RSPH4A: variants seen among roughly 807,000 people sequenced by gnomAD.
The protein encoded by RSPH4A is radial spoke head protein 4 homolog A.
A neutral mutation model predicts 71.0 loss-of-function variants in RSPH4A; 47 were observed. The observed-to-expected ratio is 0.66, with a 90% CI of 0.52 to 0.84. RSPH4A has a LOEUF of 0.84. RSPH4A is among the 40% of genes least tolerant of loss of function. The pLI is 0.00. For synonymous variants in RSPH4A, 282 were observed against 302.3 expected (o/e 0.93, Z 0.70); for missense variants, 793 against 855.2 (o/e 0.93, Z 0.91).
At chr6:116,629,827 T>G in intron 4 of RSPH4A, 125 bp downstream of exon 4, 1 of 835,892 alleles carries the variant, frequency 1.2e-6, no homozygotes, top group Non-Finnish European at 2.0e-6. Flanking sequence ...TCTCATCCTC[T>G]TCCCATTCAT....
chr6:116,616,636 A>G lies in RSPH4A; in HGVS notation c.13A>G (p.Thr5Ala). The stretch of plus-strand genomic sequence containing the variant: ...TTGAACTGCTTCCATGGAGGACTCA[A>G]CCTCCCCGAAGCAAGAAAAAGAAAA... Reference protein sequence around the residue: MEDSTSPKQEKENQE... With the variant: MEDSASPKQEKENQE... The change falls in exon 1 of 6, where the codon ACC becomes GCC. Residue 5 changes from threonine to alanine, a missense_variant. Physicochemically the swap from Thr to Ala is moderately conservative, Grantham distance 58. Transcript: ENST00000229554. 2 of 1,612,922 alleles carry G rather than the reference A, an allele frequency of 1.2e-6. No individual in the cohort carries two copies. The highest frequency in any genetic ancestry group is 1.7e-6 in the Non-Finnish European group (2 of 1,179,442).
chr6:116,623,044 T>C (rs1205205751), intron 2 of RSPH4A, 42 bp downstream of exon 2: 1 of 1,201,230 alleles, frequency 8.3e-7, no homozygotes, highest in Admixed American at 1.7e-5. Context: ...CCTTAGGATT[T>C]TATTTGGGAC....
intron 5 of RSPH4A, 115 bp downstream of exon 5, chr6:116,630,667 GTTTTTTTTTTTTTT>G: frequency 4.0e-6 from 1 of 250,954 alleles, no homozygotes; most frequent in South Asian, 2.6e-5. Flanking sequence ...TTTTTTTCGT[GTTTTTTTTTTTTTT>G]TTTTTTTTTG....
chr6:116,630,454 C>G lies in RSPH4A; in HGVS notation c.1818C>G (p.Pro606=). Residue 606 remains proline, a synonymous_variant, in exon 5 of 6, where the codon CCC becomes CCG. Coordinates refer to ENST00000229554, the MANE Select transcript of RSPH4A (RefSeq NM_001010892.3). The part of the protein sequence containing the change: ...SEDLEIQNIP[P]WTTRLSSNLI... ...TTCCAGAGATTCAGAATATACCCCCCTGGACAACACGGTTATCCTCAAATC... is the reference window on the plus strand; with the variant it reads ...TTCCAGAGATTCAGAATATACCCCCGTGGACAACACGGTTATCCTCAAATC... 1 of 1,599,078 alleles carries G rather than the reference C, an allele frequency of 6.3e-7. No homozygotes were observed. Among genetic ancestry groups the G allele is most frequent in the South Asian group, 1.1e-5 (1 of 90,772 alleles).
chr6:116,628,385 T>G lies in RSPH4A; in HGVS notation c.1662+16T>G. 1.0e-5 allele frequency: 16 copies of G among 1,586,538 alleles called. No homozygotes were observed. Among genetic ancestry groups the G allele is most frequent in the Non-Finnish European group, 1.4e-5 (16 of 1,155,706 alleles). On this transcript the variant is annotated intron_variant, in intron 3 of 5. Transcript: ENST00000229554. Reference sequence around the variant, plus strand: ...TCTCTCTCAGGTAGGAGCTTTGCACTTCTCAATCTATCAGGTAATTAGGCA... The same window carrying G: ...TCTCTCTCAGGTAGGAGCTTTGCACGTCTCAATCTATCAGGTAATTAGGCA...
At chr6:116,617,798 A>G (rs1388882129) in intron 1 of RSPH4A, among the ~76,000 whole-genome samples, 3 of 152,180 alleles carry the variant, frequency 2.0e-5, no homozygotes, top group Non-Finnish European at 4.4e-5. Context: ...CTTTATCCTA[A>G]GAAACCCCTT....
chr6:116,622,928 AT>A lies in RSPH4A; in HGVS notation c.848del (p.Ile283LysfsTer25), dbSNP rs1284128758. 6.2e-7 allele frequency: 1 copy of A among 1,614,024 alleles called. No individual in the cohort carries two copies. Among genetic ancestry groups the A allele is most frequent in the South Asian group, 1.1e-5 (1 of 91,054 alleles). ...NENELLPTYE[I>X]AEKQKALFLQ... ...GAATGAGTTGCTTCCAACATATGAA[AT>A]AGCAGAAAAGCAAAAGGCTCTTTTT... On this transcript the variant is annotated frameshift_variant, in exon 2 of 6. Transcript: ENST00000229554. LOFTEE classifies it high-confidence loss of function.
chr6:116,620,716 A>C (rs933527756), intron 1 of RSPH4A, among the ~76,000 whole-genome samples: 1 of 152,232 alleles, frequency 6.6e-6, no homozygotes, highest in South Asian at 2.1e-4. Flanking sequence ...AACCTGAAAA[A>C]TAAAATGAAA....
At chr6:116,628,505 C>T (rs1282381372) in intron 3 of RSPH4A, 136 bp downstream of exon 3, 1 of 712,340 alleles carries the variant, frequency 1.4e-6, no homozygotes, top group East Asian at 2.6e-5. Flanking sequence ...TAATTAAAAA[C>T]ACAGCCAAAA....
intron 1 of RSPH4A, among the ~76,000 whole-genome samples, chr6:116,620,429 C>G (rs574635373): frequency 6.6e-5 from 10 of 152,102 alleles, no homozygotes; most frequent in Admixed American, 2.6e-4. Context: ...ATATGCAGAT[C>G]TAATTTGACA....
At chr6:116,620,474 A>C (rs1339559982) in intron 1 of RSPH4A, among the ~76,000 whole-genome samples, 3 of 152,168 alleles carry the variant, frequency 2.0e-5, no homozygotes, top group African/African-American at 7.2e-5. Flanking sequence ...AATTTAAACA[A>C]TCTTTGACTG....
At chr6:116,626,803 G>A (rs1207437454) in intron 2 of RSPH4A, among the ~76,000 whole-genome samples, 1 of 152,074 alleles carries the variant, frequency 6.6e-6, no homozygotes, top group Non-Finnish European at 1.5e-5. Flanking sequence ...ATAGACATGA[G>A]CACTTTATTA....
At chr6:116,628,534 T>A (rs929084070) in intron 3 of RSPH4A, among the ~76,000 whole-genome samples, 165 bp downstream of exon 3, 4 of 152,070 alleles carry the variant, frequency 2.6e-5, no homozygotes, top group Non-Finnish European at 5.9e-5. Context: ...TAATATACAA[T>A]TGCCAGTGTC....
Position 116,616,817 on chromosome 6 carries a change from C to T in RSPH4A, c.194C>T (p.Ser65Phe). 1 of 1,614,166 alleles carries T rather than the reference C, an allele frequency of 6.2e-7. No homozygotes were observed. Among genetic ancestry groups the T allele is most frequent in the Non-Finnish European group, 8.5e-7 (1 of 1,180,012 alleles). The change falls in exon 1 of 6, where the codon TCT (serine) becomes TTT (phenylalanine). Residue 65 changes from serine (S) to phenylalanine (F), a missense_variant. Coordinates refer to ENST00000229554, the MANE Select transcript of RSPH4A (RefSeq NM_001010892.3). ...AGCAGCCGTCCTTGGAGCCCGCAGT[C>T]TAGAGCCAAGACGCCTCTGGGTGGC... Reference protein sequence around the residue: ...SRSSRPWSPQSRAKTPLGGPA... With the variant: ...SRSSRPWSPQFRAKTPLGGPA...
chr6:116,628,440 CA>C, intron 3 of RSPH4A, 71 bp downstream of exon 3: 1 of 1,199,642 alleles, frequency 8.3e-7, no homozygotes, highest in Non-Finnish European at 1.2e-6. Context: ...CTATAATGCA[CA>C]AAGACATACA....
Position 116,632,904 on chromosome 6 carries a change from T to A in RSPH4A, c.*463T>A, listed in dbSNP as rs1775830826. On this transcript the variant is annotated 3_prime_UTR_variant, in exon 6 of 6. Coordinates refer to ENST00000229554, the MANE Select transcript of RSPH4A (RefSeq NM_001010892.3). ...TGTCAAGGGGTATGAAGACAAAAAA[T>A]ATTGATAGTCACTAGAGTAATGTAT... 5.4e-6 allele frequency: 1 copy of A among 186,264 alleles called. No homozygotes were observed. The highest frequency in any genetic ancestry group is 1.1e-4 in the South Asian group (1 of 9,422). 11.5% of individuals were successfully genotyped at this position (186,264 alleles called of 1,614,324 possible).
At chr6:116,625,835 A>G (rs1775684595) in intron 2 of RSPH4A, among the ~76,000 whole-genome samples, 1 of 152,208 alleles carries the variant, frequency 6.6e-6, no homozygotes, top group Admixed American at 6.5e-5. Flanking sequence ...TGAGATGTGA[A>G]TTAAATATTA....
chr6:116,623,209 C>T (rs1301961346), intron 2 of RSPH4A, among the ~76,000 whole-genome samples: 2 of 152,052 alleles, frequency 1.3e-5, no homozygotes, highest in Admixed American at 1.3e-4. Flanking sequence ...AGCAATTCTC[C>T]TGAGTAGCTG....
chr6:116,628,703 T>C (rs1344458928), intron 3 of RSPH4A, among the ~76,000 whole-genome samples: 3 of 152,218 alleles, frequency 2.0e-5, no homozygotes, highest in Admixed American at 2.0e-4. Flanking sequence ...ATGTTTAATA[T>C]AGATGGGTAC....
Sources: allele counts gnomAD v4.1 joint callset (sites outside exome capture counted in the v4.1 genomes callset), GRCh38; gene constraint gnomAD v4.1.1; transcripts MANE v1.5; gene names NCBI Gene and HGNC (gene_info 2026-07-23, HGNC 2026-07-21).